The following RIGI variants were observed in gnomAD, a reference collection of about 807,000 sequenced individuals.
The protein encoded by RIGI is antiviral innate immune response receptor RIG-I.
chr9:32,486,634 A>G, the RIGI span, among the ~76,000 whole-genome samples: 6 of 151,998 alleles, frequency 3.9e-5, no homozygotes, highest in African/African-American at 9.7e-5. Flanking sequence ...AAAAAAAAAA[A>G]GAGCAGTGAT....
chr9:32,492,318 C>G, the RIGI span: 4 of 1,558,498 alleles, frequency 2.6e-6, no homozygotes, highest in Non-Finnish European at 3.5e-6. Context: ...AAAAACGCCT[C>G]TGATGGGATG....
chr9:32,524,999 G>A, the RIGI span, among the ~76,000 whole-genome samples: 2 of 152,122 alleles, frequency 1.3e-5, no homozygotes, highest in African/African-American at 2.4e-5. Flanking sequence ...GCCACCAAAT[G>A]GTTTGCTGAG....
chr9:32,485,297 A>G, the RIGI span: 1 of 1,502,994 alleles, frequency 6.7e-7, no homozygotes, highest in African/African-American at 1.4e-5. Flanking sequence ...CGTCAAAAAA[A>G]AAAGAAAAAG....
the RIGI span, among the ~76,000 whole-genome samples, chr9:32,518,236 T>G: frequency 6.6e-6 from 1 of 151,892 alleles, no homozygotes; most frequent in Non-Finnish European, 1.5e-5. Flanking sequence ...TGAAACAAGG[T>G]AGAAAAGAAC....
At chr9:32,508,989 T>G in the RIGI span, among the ~76,000 whole-genome samples, 1 of 152,040 alleles carries the variant, frequency 6.6e-6, no homozygotes, top group African/African-American at 2.4e-5. Context: ...CACCAGGAAG[T>G]TCAAACTGGG....
At chr9:32,478,480 C>G in the RIGI span, among the ~76,000 whole-genome samples, 96 of 152,260 alleles carry the variant, frequency 6.3e-4, no homozygotes, top group Non-Finnish European at 8.8e-4. Flanking sequence ...TCAATGACAT[C>G]ATGTTGGTAG....
chr9:32,493,416 GA>G, the RIGI span, among the ~76,000 whole-genome samples: 1 of 152,142 alleles, frequency 6.6e-6, no homozygotes, highest in Non-Finnish European at 1.5e-5. Flanking sequence ...ACGAGGTCAG[GA>G]GTTCGAGACC....
At chr9:32,492,667 A>G in the RIGI span, 12 of 1,069,654 alleles carry the variant, frequency 1.1e-5, no homozygotes. Context: ...TCAGTGGGTC[A>G]TATCCATGAC....
At chr9:32,456,019 G>A in the RIGI span, 31,536 of 152,046 alleles carry the variant, frequency 0.21, 3,538 homozygotes, top group South Asian at 0.32. Context: ...CCAGGAAACC[G>A]CAAACTAAGC....
chr9:32,518,395 AAAG>A, the RIGI span, among the ~76,000 whole-genome samples: 15 of 151,694 alleles, frequency 9.9e-5, no homozygotes, highest in African/African-American at 2.4e-4. Context: ...AAAAAAAAAA[AAAG>A]AAGAAGAAAA....
At chr9:32,525,843 G>A in the RIGI span, among the ~76,000 whole-genome samples, 1 of 152,140 alleles carries the variant, frequency 6.6e-6, no homozygotes, top group East Asian at 1.9e-4. Context: ...GCACCCTTAA[G>A]CAAGTCACTT....
chr9:32,523,712 TTC>T, the RIGI span, among the ~76,000 whole-genome samples: 614 of 152,226 alleles, frequency 4.0e-3, 2 homozygotes, highest in Non-Finnish European at 6.8e-3. Context: ...GCATCTGCCA[TTC>T]TCTCTCTCCC....
chr9:32,490,902 T>C, the RIGI span, among the ~76,000 whole-genome samples: 2 of 152,136 alleles, frequency 1.3e-5, no homozygotes, highest in African/African-American at 4.8e-5. Context: ...CTTCATCAAC[T>C]TGCAGGGCAG....
the RIGI span, among the ~76,000 whole-genome samples, chr9:32,483,589 C>T: frequency 6.6e-6 from 1 of 152,140 alleles, no homozygotes; most frequent in African/African-American, 2.4e-5. Flanking sequence ...ACTGGTCTCC[C>T]TTCCTCTTGC....
chr9:32,457,309 C>CAGAA, the RIGI span: 1,192 of 1,614,084 alleles, frequency 7.4e-4, 1 homozygote, highest in Non-Finnish European at 9.2e-4. Context: ...CTGTCGGGCA[C>CAGAA]AGAATATCTT....
At chr9:32,506,867 A>T in the RIGI span, among the ~76,000 whole-genome samples, 2 of 152,176 alleles carry the variant, frequency 1.3e-5, no homozygotes, top group Non-Finnish European at 2.9e-5. Context: ...ATAAGTGTTC[A>T]TTCTTTTGAA....
the RIGI span, chr9:32,485,067 G>C: frequency 4.0e-6 from 3 of 741,320 alleles, no homozygotes. Flanking sequence ...ACAACCTCTG[G>C]ATATGGTCTT....
At chr9:32,457,363 G>T in the RIGI span, 1 of 1,613,850 alleles carries the variant, frequency 6.2e-7, no homozygotes, top group Non-Finnish European at 8.5e-7. Context: ...CTTGGGATGT[G>T]GTCTACTCAC....
At chr9:32,462,115 T>A in the RIGI span, among the ~76,000 whole-genome samples, 1 of 152,176 alleles carries the variant, frequency 6.6e-6, no homozygotes, top group Non-Finnish European at 1.5e-5. Context: ...AGCTGTGTGA[T>A]CTACTGGCAC....
Sources: gnomAD v4.1 joint callset for allele counts (sites outside exome capture counted in the v4.1 genomes callset) on GRCh38, gnomAD v4.1.1 for gene constraint, MANE v1.5 for transcripts, NCBI Gene and HGNC (gene_info 2026-07-23, HGNC 2026-07-21) for gene names.